POGZ: variants seen among roughly 807,000 people sequenced by gnomAD.
The protein encoded by POGZ is pogo transposable element derived with ZNF domain.
In POGZ, 17 loss-of-function variants were observed where a neutral mutation model predicts 134.6. The observed-to-expected ratio is 0.13, with a 90% confidence interval of 0.09 to 0.19. POGZ has a LOEUF of 0.19. Ranked by LOEUF, POGZ falls within the 10% of genes least tolerant of loss-of-function variation. The pLI, the probability that POGZ is intolerant of heterozygous loss-of-function variation, is 1.00. For synonymous variants in POGZ, 693 were observed against 657.1 expected (o/e 1.05, Z -0.84); for missense variants, 1,306 against 1,769.7 (o/e 0.74, Z 4.70).
intron 1 of POGZ, among the ~76,000 whole-genome samples, chr1:151,446,679 C>G (rs1661317871): frequency 6.8e-6 from 1 of 147,836 alleles, no homozygotes; most frequent in Admixed American, 7.1e-5. Flanking sequence ...TCGCTTGAAC[C>G]TGAGAGGTGG....
At position 151,412,292 on chromosome 1, in the gene POGZ, A is replaced by T. The variant is rs754449900; in HGVS notation, c.1779+4T>A. On this transcript the variant is annotated splice_donor_region_variant and intron_variant, in intron 11 of 18. Transcript: ENST00000271715. ...CTAAAACTCCCTGGAGAAAAAGGCA[A>T]TACCTGGCAAACATAAGGCATCTCT... 1 of 1,524,104 alleles carries T rather than the reference A, an allele frequency of 6.6e-7. No homozygotes were observed. The highest frequency in any genetic ancestry group is 2.3e-5 in the East Asian group (1 of 44,238). 94.4% of individuals were successfully genotyped at this position (1,524,104 alleles called of 1,614,324 possible).
At chr1:151,443,340 T>TCCA (rs141726198) in intron 1 of POGZ, among the ~76,000 whole-genome samples, 3,694 of 152,310 alleles carry the variant, frequency 0.024, 59 homozygotes, top group Non-Finnish European at 0.037. Context: ...TGGAGGCCAT[T>TCCA]CCACTGTGAT....
At chr1:151,437,496 A>T (rs1235535318) in intron 3 of POGZ, among the ~76,000 whole-genome samples, 2 of 152,196 alleles carry the variant, frequency 1.3e-5, no homozygotes, top group Non-Finnish European at 2.9e-5. Context: ...TCATGCCTGT[A>T]ATCCCAGAAC....
chr1:151,417,926 A>G (rs915833629), intron 10 of POGZ, among the ~76,000 whole-genome samples: 14 of 152,222 alleles, frequency 9.2e-5, no homozygotes, highest in African/African-American at 2.7e-4. Context: ...GGCAAAATAT[A>G]GAATCAACCT....
intron 10 of POGZ, among the ~76,000 whole-genome samples, chr1:151,418,116 TA>T (rs1339965572): frequency 6.6e-6 from 1 of 151,784 alleles, no homozygotes; most frequent in Non-Finnish European, 1.5e-5. Context: ...CTCAGGAGGC[TA>T]AGGCAGGAGA....
intron 1 of POGZ, among the ~76,000 whole-genome samples, chr1:151,455,801 A>G (rs1662694618): frequency 6.6e-6 from 1 of 152,220 alleles, no homozygotes; most frequent in African/African-American, 2.4e-5. Flanking sequence ...GTATATAATG[A>G]AAATCTAGTC....
chr1:151,440,888 C>G, intron 3 of POGZ, 40 bp downstream of exon 3: 1 of 1,583,540 alleles, frequency 6.3e-7, no homozygotes, highest in Non-Finnish European at 8.7e-7. Context: ...TCTTTCACCC[C>G]TCTAGCCCAG....
chr1:151,435,391 A>T lies in POGZ; in HGVS notation c.284-4550T>A, dbSNP rs543415281. ...AATGTTTCTTTCCTGTGCAAACATAAGATGAGTCAGAACTACAGGAATAAT... is the reference window on the plus strand; with the variant it reads ...AATGTTTCTTTCCTGTGCAAACATATGATGAGTCAGAACTACAGGAATAAT... On this transcript the variant is annotated intron_variant, in intron 3 of 18. Transcript: ENST00000271715. Among the ~76,000 whole-genome samples the T allele has an allele frequency of 8.3e-4, 126 of 152,336 alleles. 2 individuals carry two copies. The highest frequency in any genetic ancestry group is 2.5e-3 in the South Asian group (12 of 4,834).
chr1:151,458,869 C>T (rs1264647309), intron 1 of POGZ, among the ~76,000 whole-genome samples: 3 of 145,360 alleles, frequency 2.1e-5, no homozygotes, highest in African/African-American at 4.9e-5. Flanking sequence ...AGCCGGCAGG[C>T]AGGGACCTCC....
At chr1:151,446,254 GAAAAAAA>G (rs142998370) in intron 1 of POGZ, among the ~76,000 whole-genome samples, 10 of 39,186 alleles carry the variant, frequency 2.6e-4, no homozygotes, top group Non-Finnish European at 5.3e-4. Flanking sequence ...TTCTCATAAG[GAAAAAAA>G]AAAAAAAAAA....
At chr1:151,425,643 A>G (rs1293862141) in intron 7 of POGZ, among the ~76,000 whole-genome samples, 1 of 152,160 alleles carries the variant, frequency 6.6e-6, no homozygotes, top group Non-Finnish European at 1.5e-5. Flanking sequence ...ACTTTAACAT[A>G]ATGTCCTCAA....
intron 1 of POGZ, among the ~76,000 whole-genome samples, chr1:151,458,338 TAA>T (rs1358129737): frequency 3.3e-5 from 5 of 151,660 alleles, no homozygotes; most frequent in Non-Finnish European, 5.9e-5. Flanking sequence ...CACCAGAAAA[TAA>T]AGATTCCCCG....
intron 3 of POGZ, among the ~76,000 whole-genome samples, chr1:151,439,673 T>C (rs928917349): frequency 1.3e-5 from 2 of 152,198 alleles, no homozygotes; most frequent in Non-Finnish European, 2.9e-5. Flanking sequence ...GGAATGCACA[T>C]ATAAATGGTT....
chr1:151,446,256 A>G (rs1392898840), intron 1 of POGZ, among the ~76,000 whole-genome samples: 1 of 84,942 alleles, frequency 1.2e-5, no homozygotes, highest in East Asian at 4.2e-4. Context: ...CTCATAAGGA[A>G]AAAAAAAAAA....
In POGZ at chr1:151,459,397, T is replaced by C. The variant is rs942600691; in HGVS notation, c.-247A>G. The stretch of plus-strand genomic sequence containing the variant: ...GCGGGGGGGCCCCGAGGGAGGGGGG[T>C]GGGGGGGCCAAGGAATGCGGCTCCG... On this transcript the variant is annotated 5_prime_UTR_variant, in exon 1 of 19. Coordinates refer to ENST00000271715, the MANE Select transcript of POGZ (RefSeq NM_015100.4). 7.8e-5 allele frequency: 3 copies of C among 38,386 alleles called. No homozygotes were observed. Among genetic ancestry groups the C allele is most frequent in the East Asian group, 7.7e-4 (1 of 1,302 alleles). The allele number at this position is 38,386 out of a possible 1,614,324, so 2.4% of individuals were successfully genotyped here.
At chr1:151,445,562 G>A (rs1315155906) in intron 1 of POGZ, among the ~76,000 whole-genome samples, 1 of 143,894 alleles carries the variant, frequency 6.9e-6, no homozygotes. Context: ...AGACAAAAAA[G>A]AAAGAAAAAA....
chr1:151,425,316 T>C (rs1267048108), intron 7 of POGZ: 1 of 337,420 alleles, frequency 3.0e-6, no homozygotes, highest in Admixed American at 4.0e-5. Flanking sequence ...TCACTATGTT[T>C]GAGGCTTCCT....
intron 3 of POGZ, 152 bp from the exon 4 acceptor site, chr1:151,430,993 T>C (rs1658605441): frequency 4.7e-6 from 2 of 424,762 alleles, no homozygotes; most frequent in Non-Finnish European, 7.2e-6. Context: ...TGGAGCACAG[T>C]GGCACAGTCA....
At chr1:151,453,037 C>T (rs1410398004) in intron 1 of POGZ, among the ~76,000 whole-genome samples, 1 of 151,782 alleles carries the variant, frequency 6.6e-6, no homozygotes, top group Non-Finnish European at 1.5e-5. Context: ...ATTTTCCTGC[C>T]TCAGCCTCCT....
Sources: gnomAD v4.1 joint callset for allele counts (sites outside exome capture counted in the v4.1 genomes callset) on GRCh38, gnomAD v4.1.1 for gene constraint, MANE v1.5 for transcripts, NCBI Gene and HGNC (gene_info 2026-07-23, HGNC 2026-07-21) for gene names.